The following CA5B variants were observed in gnomAD, a reference collection of about 807,000 sequenced individuals.
CA5B encodes the protein carbonic anhydrase 5B, also known as carbonic anhydrase 5B, mitochondrial.
In CA5B, 15 loss-of-function variants were observed where a neutral mutation model predicts 23.1. That is an observed-to-expected ratio of 0.65 (90% CI 0.43 to 1.00). CA5B has a LOEUF of 1.00. Among genes scored for constraint, CA5B ranks in the 50% least tolerant of loss-of-function variants. The pLI, the probability that CA5B is intolerant of heterozygous loss-of-function variation, is 0.00. For missense variants in CA5B, 236 were observed against 252.2 expected (o/e 0.94, Z 0.43); for synonymous variants, 84 against 98.5 (o/e 0.85, Z 0.87).
At chrX:15,775,384 CT>C (rs1411928305) in intron 6 of CA5B, 76 bp downstream of exon 6, 1 of 1,113,583 alleles carries the variant, frequency 9.0e-7, no homozygotes, top group African/African-American at 1.8e-5. Context: ...TACCAAGGCA[CT>C]TTGAATTGGG....
rs1244007051 is a variant in CA5B, at chrX:15,785,364, T to G, written c.*2700T>G. The G allele has an allele frequency of 8.9e-6, 1 of 112,531 alleles. No homozygotes were observed. The highest frequency in any genetic ancestry group is 1.9e-5 in the Non-Finnish European group (1 of 53,329). The allele number at this position is 112,531 out of a possible 1,213,427, so 9.3% of individuals were successfully genotyped here. On this transcript the variant is annotated 3_prime_UTR_variant, in exon 8 of 8. Transcript: ENST00000318636. The stretch of plus-strand genomic sequence containing the variant: ...TTAAAAAGAAGGAAATCCTGTCAAA[T>G]GTACAATGTGGATGAACCTTGAAGG...
rs557742128 is a variant in CA5B, at chrX:15,784,704, A to T, written c.*2040A>T. On this transcript the variant is annotated 3_prime_UTR_variant, in exon 8 of 8. Transcript: ENST00000318636. Reference sequence around the variant, plus strand: ...TTAGGAAGGAAACGGGACTACATCAAACTTAAAAATGTCTGTGTGTCAAAG... The same window carrying T: ...TTAGGAAGGAAACGGGACTACATCATACTTAAAAATGTCTGTGTGTCAAAG... The T allele has an allele frequency of 8.9e-6, 1 of 112,227 alleles. No individual in the cohort carries two copies. The highest frequency in any genetic ancestry group is 9.5e-5 in the Admixed American group (1 of 10,507). The allele number at this position is 112,227 out of a possible 1,213,427, so 9.2% of individuals were successfully genotyped here.
At position 15,743,678 on chromosome X, in the gene CA5B, T is replaced by A. The variant is rs1259250198; in HGVS notation, c.-54+5326T>A. Among the ~76,000 whole-genome samples, 4 of 111,695 alleles carry A rather than the reference T, an allele frequency of 3.6e-5. No homozygotes were observed. In the East Asian group the frequency reaches 1.1e-3, roughly 31 times the overall value. On this transcript the variant is annotated intron_variant, in intron 1 of 7. Transcript: ENST00000318636. ...ACTGCTTTCTCCTGTACCCATGGAA[T>A]AATATCCAAAAGGCTTCCAGTCTCT... is the stretch of plus-strand genomic sequence containing the variant.
intron 2 of CA5B, among the ~76,000 whole-genome samples, chrX:15,752,346 A>C (rs1163134178): frequency 8.9e-6 from 1 of 111,933 alleles, no homozygotes; most frequent in Non-Finnish European, 1.9e-5. Flanking sequence ...AGAAAATCAA[A>C]ATATTTTACC....
At chrX:15,740,056 A>G (rs1489583718) in intron 1 of CA5B, among the ~76,000 whole-genome samples, 1 of 112,090 alleles carries the variant, frequency 8.9e-6, no homozygotes, top group Non-Finnish European at 1.9e-5. Flanking sequence ...AATAAATACA[A>G]GATTTATGAA....
intron 2 of CA5B, among the ~76,000 whole-genome samples, chrX:15,757,054 C>CAAA (rs35364577): frequency 3.3e-5 from 2 of 59,749 alleles, no homozygotes; most frequent in Admixed American, 2.2e-4. Context: ...GACTCCGTCT[C>CAAA]AAAAAAAAAA....
At chrX:15,769,946 T>G (rs1931786917) in intron 3 of CA5B, among the ~76,000 whole-genome samples, 1 of 112,226 alleles carries the variant, frequency 8.9e-6, no homozygotes, top group Non-Finnish European at 1.9e-5. Flanking sequence ...AGCCAGACTC[T>G]CTGCTGAATG....
chrX:15,769,571 T>A (rs192495150), intron 3 of CA5B: 56 of 752,315 alleles, frequency 7.4e-5, no homozygotes, highest in Non-Finnish European at 8.6e-5. Flanking sequence ...TCCCTGACTT[T>A]ACACTTCTTT....
At chrX:15,781,007 TC>T (rs1932013240) in intron 7 of CA5B, among the ~76,000 whole-genome samples, 1 of 109,527 alleles carries the variant, frequency 9.1e-6, no homozygotes, top group South Asian at 4.0e-4. Context: ...ACATGGAGTT[TC>T]ACTCTCGTTG....
rs185682768 is a variant in CA5B, at chrX:15,780,403, G to T, written c.775-2082G>T. On this transcript the variant is annotated intron_variant, in intron 7 of 7. Coordinates refer to ENST00000318636, the MANE Select transcript of CA5B (RefSeq NM_007220.4). ...TTCTCCTGTCTCAGCCTCCCAAGTAGCTGGGATTACAGGCGCCCGCCACCA... is the reference window on the plus strand; with the variant it reads ...TTCTCCTGTCTCAGCCTCCCAAGTATCTGGGATTACAGGCGCCCGCCACCA... 4.7e-3 allele frequency among the ~76,000 whole-genome samples: 518 copies of T among 109,768 alleles called. 6 individuals carry two copies. Among genetic ancestry groups the T allele is most frequent in the African/African-American group, 0.017 (502 of 30,226 alleles).
chrX:15,780,212 T>C (rs1931996180), intron 7 of CA5B, among the ~76,000 whole-genome samples: 1 of 111,100 alleles, frequency 9.0e-6, no homozygotes, highest in Non-Finnish European at 1.9e-5. Context: ...ACAATTTTTG[T>C]ATGAAAATGG....
chrX:15,764,233 A>G (rs1931659244), intron 2 of CA5B, among the ~76,000 whole-genome samples: 1 of 109,745 alleles, frequency 9.1e-6, no homozygotes, highest in Non-Finnish European at 1.9e-5. Context: ...CTAGAAGTAC[A>G]GTAGACAGGC....
At position 15,765,880 on chromosome X, in the gene CA5B, G is replaced by A. The variant is rs1931697257; in HGVS notation, c.340+1105G>A. Among the ~76,000 whole-genome samples the A allele has an allele frequency of 7.2e-5, 8 of 110,798 alleles. No homozygotes were observed. In the Admixed American group the frequency reaches 7.8e-4, roughly 11 times the overall value. On this transcript the variant is annotated intron_variant, in intron 3 of 7. Transcript: ENST00000318636. ...GTCCATAAAAATGATAATGAGGCCA[G>A]GAGCGGTGGCTTATGCCTGTAATCT...
intron 6 of CA5B, 23 bp downstream of exon 6, chrX:15,775,331 A>G (rs1931901624): frequency 1.7e-6 from 2 of 1,183,013 alleles, no homozygotes; most frequent in Admixed American, 2.4e-5. Context: ...TTCCTTAATT[A>G]CTTGAAATAT....
chrX:15,760,526 G>T (rs1438385188), intron 2 of CA5B, among the ~76,000 whole-genome samples: 2 of 111,740 alleles, frequency 1.8e-5, no homozygotes, highest in Non-Finnish European at 3.8e-5. Context: ...AACAGGCTCA[G>T]TTTTCTTGGG....
chrX:15,769,629 G>A, intron 3 of CA5B: 1 of 742,820 alleles, frequency 1.3e-6, no homozygotes, highest in Non-Finnish European at 1.6e-6. Context: ...AAACATTTAA[G>A]TTCTCCTTCC....
chrX:15,745,931 T>C (rs1322695865), intron 1 of CA5B, among the ~76,000 whole-genome samples: 1 of 111,100 alleles, frequency 9.0e-6, no homozygotes, highest in Non-Finnish European at 1.9e-5. Flanking sequence ...TCAATTTGAG[T>C]AATAATAACT....
At chrX:15,763,962 C>G (rs1235679625) in intron 2 of CA5B, among the ~76,000 whole-genome samples, 1 of 111,800 alleles carries the variant, frequency 8.9e-6, no homozygotes, top group African/African-American at 3.3e-5. Flanking sequence ...TGGACACATT[C>G]AGTTTTTCCA....
chrX:15,782,890 TC>T lies in CA5B; in HGVS notation c.*227del. The T allele has an allele frequency of 3.1e-6, 1 of 323,677 alleles. No homozygotes were observed. Among genetic ancestry groups the T allele is most frequent in the Non-Finnish European group, 5.3e-6 (1 of 187,856 alleles). The allele number at this position is 323,677 out of a possible 1,213,427, so 26.7% of individuals were successfully genotyped here. A position where few individuals can be genotyped will look rare whatever the true frequency, so the allele number is the denominator to read the frequency against. The stretch of plus-strand genomic sequence containing the variant: ...TGGTAATTGTAATGCCTTTTTTTTT[TC>T]TTTAAGAGACTAGGTCTTGCTCTGC... On this transcript the variant is annotated 3_prime_UTR_variant, in exon 8 of 8. Transcript: ENST00000318636.
Sources: allele counts gnomAD v4.1 joint callset (sites outside exome capture counted in the v4.1 genomes callset), GRCh38; gene constraint gnomAD v4.1.1; transcripts MANE v1.5; gene names NCBI Gene and HGNC (gene_info 2026-07-23, HGNC 2026-07-21).